DOCK2: variants seen among roughly 807,000 people sequenced by gnomAD.
DOCK2 encodes the protein dedicator of cytokinesis 2, also known as dedicator of cytokinesis protein 2.
In DOCK2, 87 loss-of-function variants were observed where a neutral mutation model predicts 248.9. The observed-to-expected ratio is 0.35, with a 90% CI of 0.29 to 0.42. The LOEUF is 0.42. Among genes scored for constraint, DOCK2 ranks in the 10% least tolerant of loss-of-function variants. The pLI is 1.00. For missense variants in DOCK2, 1,747 were observed against 2,300.2 expected, an observed-to-expected ratio of 0.76 and a Z score of 4.92; for synonymous variants, 805 against 821.6, an observed-to-expected ratio of 0.98 and a Z score of 0.35.
At chr5:169,784,254 C>T (rs1221993044) in intron 25 of DOCK2, among the ~76,000 whole-genome samples, 1 of 152,106 alleles carries the variant, frequency 6.6e-6, no homozygotes, top group African/African-American at 2.4e-5. Flanking sequence ...CAATCAACAA[C>T]CACACATTTC....
At chr5:169,752,443 G>A (rs543271245) in intron 23 of DOCK2, among the ~76,000 whole-genome samples, 17 of 152,082 alleles carry the variant, frequency 1.1e-4, no homozygotes, top group Non-Finnish European at 2.2e-4. Context: ...CTGAATGAAT[G>A]AATGAATGAA....
chr5:169,850,522 A>G (rs1292503974), intron 27 of DOCK2, among the ~76,000 whole-genome samples: 1 of 146,674 alleles, frequency 6.8e-6, no homozygotes, highest in African/African-American at 2.6e-5. Context: ...AGATCAGGGA[A>G]AGAATCAAGT....
chr5:169,872,365 T>C (rs974079609), intron 27 of DOCK2, among the ~76,000 whole-genome samples: 1 of 152,160 alleles, frequency 6.6e-6, no homozygotes, highest in African/African-American at 2.4e-5. Flanking sequence ...GGAACTTTAG[T>C]TTGTATGTTT....
At chr5:169,882,934 T>TGGGC in intron 27 of DOCK2, 2 of 1,551,884 alleles carry the variant, frequency 1.3e-6, no homozygotes, top group Non-Finnish European at 1.7e-6. Context: ...TCTTCCTGGG[T>TGGGC]GGGCTGGCTG....
chr5:169,708,660 G>A (rs1761414208), intron 15 of DOCK2, among the ~76,000 whole-genome samples: 1 of 151,992 alleles, frequency 6.6e-6, no homozygotes, highest in South Asian at 2.1e-4. Context: ...TGTCTCCCAG[G>A]TTCTAGTGAT....
At chr5:169,881,474 A>G (rs1236201178) in intron 27 of DOCK2, 8 of 1,539,790 alleles carry the variant, frequency 5.2e-6, no homozygotes, top group East Asian at 2.4e-5. Context: ...GGATAAATCT[A>G]TGGGCAAAAG....
chr5:169,970,007 G>A (rs1272383161), intron 27 of DOCK2, among the ~76,000 whole-genome samples: 2 of 152,374 alleles, frequency 1.3e-5, no homozygotes, highest in African/African-American at 2.4e-5. Flanking sequence ...TGTGGGCTAT[G>A]TGAGGCCTAC....
intron 27 of DOCK2, among the ~76,000 whole-genome samples, chr5:169,956,189 C>A (rs564965794): frequency 3.9e-5 from 6 of 152,340 alleles, no homozygotes; most frequent in African/African-American, 1.2e-4. Flanking sequence ...ACTTGATGGT[C>A]TCTAAGATTC....
intron 29 of DOCK2, among the ~76,000 whole-genome samples, chr5:169,988,126 A>C (rs1318333524): frequency 6.6e-6 from 1 of 152,226 alleles, no homozygotes; most frequent in East Asian, 1.9e-4. Flanking sequence ...TGTTAATGTC[A>C]ACCAGAAAAG....
At chr5:169,833,098 TACCTTGTGCAA>T (rs1404266452) in intron 26 of DOCK2, among the ~76,000 whole-genome samples, 1 of 152,216 alleles carries the variant, frequency 6.6e-6, no homozygotes, top group African/African-American at 2.4e-5. Context: ...CTGGTCATAT[TACCTTGTGCAA>T]ACCCCATCCT....
At chr5:169,642,322 C>T (rs1757196718) in intron 1 of DOCK2, among the ~76,000 whole-genome samples, 1 of 152,202 alleles carries the variant, frequency 6.6e-6, no homozygotes, top group African/African-American at 2.4e-5. Context: ...AATATGGCCC[C>T]TATCCTTCTG....
At chr5:169,984,154 T>C (rs772890032) in intron 28 of DOCK2, among the ~76,000 whole-genome samples, 3 of 152,142 alleles carry the variant, frequency 2.0e-5, no homozygotes, top group Non-Finnish European at 4.4e-5. Context: ...AACTCTACAA[T>C]CTGCTTGCTC....
intron 15 of DOCK2, 120 bp from the exon 16 acceptor site, chr5:169,711,815 G>A (rs752670576): frequency 1.4e-4 from 145 of 1,001,952 alleles, no homozygotes; most frequent in Non-Finnish European, 1.9e-4. Context: ...TGGATGGGTT[G>A]TAAATCAGCA....
At chr5:170,076,509 G>A (rs1449489432) in intron 47 of DOCK2, among the ~76,000 whole-genome samples, 1 of 152,196 alleles carries the variant, frequency 6.6e-6, no homozygotes, top group Non-Finnish European at 1.5e-5. Flanking sequence ...AGGCTATGTG[G>A]CAAATGAATG....
Position 169,997,220 on chromosome 5 carries a change from T to C in DOCK2, c.3072+1056T>C, listed in dbSNP as rs1272817068. On this transcript the variant is annotated intron_variant, in intron 30 of 51. Coordinates refer to ENST00000520908, the MANE Select transcript of DOCK2 (RefSeq NM_004946.3). ...CATACACATAGACATCTCAATGCTT[T>C]ACAAAGCAGTATTGCTGCCCGCAGG... is the stretch of plus-strand genomic sequence containing the variant. Among the ~76,000 whole-genome samples the C allele has an allele frequency of 5.2e-5, 7 of 135,386 alleles. No homozygotes were observed. In the South Asian group the frequency reaches 1.4e-3, roughly 28 times the overall value. 88.8% of individuals were successfully genotyped at this position (135,386 alleles called of 152,430 possible). A position where few individuals can be genotyped will look rare whatever the true frequency, so the allele number is the denominator to read the frequency against.
chr5:169,862,856 G>A (rs1771291531), intron 27 of DOCK2, among the ~76,000 whole-genome samples: 1 of 152,212 alleles, frequency 6.6e-6, no homozygotes, highest in Non-Finnish European at 1.5e-5. Context: ...ACAGGATTCT[G>A]TGCTCTGCAA....
chr5:170,015,715 C>A (rs1755503654), intron 32 of DOCK2, among the ~76,000 whole-genome samples: 1 of 152,126 alleles, frequency 6.6e-6, no homozygotes, highest in Admixed American at 6.5e-5. Flanking sequence ...AGAGACCTTT[C>A]TGTTACATGT....
rs1360624889 is a variant in DOCK2, at chr5:169,756,305, G to A, written c.2377-3400G>A. Among the ~76,000 whole-genome samples, 4 of 152,358 alleles carry A rather than the reference G, an allele frequency of 2.6e-5. No individual in the cohort carries two copies. In the East Asian group the frequency reaches 7.7e-4, roughly 29 times the overall value. ...TCCATCGTGTCCCTCCAAAGTCCTG[G>A]AATGACATGCAGCTCTTGAAAGCCA... On this transcript the variant is annotated intron_variant, in intron 23 of 51. Coordinates refer to ENST00000520908, the MANE Select transcript of DOCK2 (RefSeq NM_004946.3).
chr5:170,012,397 ATTTTG>A (rs1755334234), intron 32 of DOCK2, among the ~76,000 whole-genome samples: 1 of 152,214 alleles, frequency 6.6e-6, no homozygotes, highest in Non-Finnish European at 1.5e-5. Flanking sequence ...AGTTTTCTAA[ATTTTG>A]TTTTAAGGCC....
Sources: allele counts gnomAD v4.1 joint callset (sites outside exome capture counted in the v4.1 genomes callset), GRCh38; gene constraint gnomAD v4.1.1; transcripts MANE v1.5; gene names NCBI Gene and HGNC (gene_info 2026-07-23, HGNC 2026-07-21).